HMBOX1: variants seen among roughly 807,000 people sequenced by gnomAD.
The protein encoded by HMBOX1 is homeobox containing 1.
Under a neutral mutation model 54.5 loss-of-function variants are expected in HMBOX1, and 14 were observed. That is an observed-to-expected ratio of 0.26 (90% CI 0.17 to 0.40). The LOEUF is 0.40. Ranked by LOEUF, HMBOX1 falls within the 10% of genes least tolerant of loss-of-function variation. HMBOX1 has a pLI of 1.00. For missense variants in HMBOX1, 332 were observed against 514.4 expected, an observed-to-expected ratio of 0.65 and a Z score of 3.43; for synonymous variants, 160 against 181.0, an observed-to-expected ratio of 0.88 and a Z score of 0.93.
At chr8:28,942,219 G>C (rs535207196) in intron 1 of HMBOX1, among the ~76,000 whole-genome samples, 1 of 152,168 alleles carries the variant, frequency 6.6e-6, no homozygotes, top group Non-Finnish European at 1.5e-5. Context: ...GTAGTTCAGC[G>C]CAGTCTCCTT....
At chr8:29,039,326 G>A (rs892304196) in intron 6 of HMBOX1, among the ~76,000 whole-genome samples, 2 of 152,076 alleles carry the variant, frequency 1.3e-5, no homozygotes, top group African/African-American at 2.4e-5. Flanking sequence ...TCTATTTCCC[G>A]ACTTCGTTGG....
chr8:28,894,417 C>G (rs770934490), intron 1 of HMBOX1, among the ~76,000 whole-genome samples: 31 of 152,238 alleles, frequency 2.0e-4, no homozygotes, highest in Non-Finnish European at 4.1e-4. Context: ...CAAAGAGTAA[C>G]CAGCACATGT....
chr8:28,971,998 A>G (rs1300624369), intron 3 of HMBOX1, among the ~76,000 whole-genome samples: 1 of 152,254 alleles, frequency 6.6e-6, no homozygotes, highest in Non-Finnish European at 1.5e-5. Flanking sequence ...GACACATAAT[A>G]ATATTGCCAC....
At chr8:28,954,749 G>T (rs551905554) in intron 1 of HMBOX1, among the ~76,000 whole-genome samples, 5 of 152,154 alleles carry the variant, frequency 3.3e-5, no homozygotes, top group Admixed American at 6.5e-5. Flanking sequence ...GTACTTACAC[G>T]TGTACAAAGA....
intron 1 of HMBOX1, among the ~76,000 whole-genome samples, chr8:28,959,006 A>G (rs912031577): frequency 1.3e-5 from 2 of 151,978 alleles, no homozygotes; most frequent in South Asian, 4.2e-4. Context: ...ACATTCTAAG[A>G]CTCCCAGTAG....
intron 1 of HMBOX1, among the ~76,000 whole-genome samples, chr8:28,960,781 T>TGGAG (rs1563473087): frequency 2.2e-5 from 1 of 45,346 alleles, no homozygotes; most frequent in Non-Finnish European, 4.6e-5. Flanking sequence ...TTTTTTTTTT[T>TGGAG]TTTTTTTTTT....
rs143488602 is a variant in HMBOX1, at chr8:29,001,057, A to C, written c.587-8015A>C. On this transcript the variant is annotated intron_variant, in intron 4 of 9. Coordinates refer to ENST00000287701, the MANE Select transcript of HMBOX1 (RefSeq NM_001135726.3). ...GGTTTTCAGAGGTTTTTACTTCACTATTCTCACTGATGTCACTCCAATTCA... is the reference window on the plus strand; with the variant it reads ...GGTTTTCAGAGGTTTTTACTTCACTCTTCTCACTGATGTCACTCCAATTCA... 3.3e-4 allele frequency among the ~76,000 whole-genome samples: 50 copies of C among 152,290 alleles called. No individual in the cohort carries two copies. The East Asian group carries it at 7.7e-3, about 24-fold the overall frequency.
intron 1 of HMBOX1, among the ~76,000 whole-genome samples, chr8:28,916,542 C>T (rs1816586038): frequency 1.3e-5 from 2 of 152,132 alleles, no homozygotes; most frequent in Non-Finnish European, 2.9e-5. Flanking sequence ...TCCACGTGTT[C>T]TAGCTCCATT....
intron 1 of HMBOX1, among the ~76,000 whole-genome samples, chr8:28,911,139 A>G (rs1815329911): frequency 6.6e-6 from 1 of 152,230 alleles, no homozygotes; most frequent in South Asian, 2.1e-4. Context: ...TGGAAGCAAC[A>G]AAAACTGATT....
chr8:28,910,255 T>G (rs1563368073), intron 1 of HMBOX1, among the ~76,000 whole-genome samples: 3 of 152,208 alleles, frequency 2.0e-5, no homozygotes, highest in Admixed American at 2.0e-4. Context: ...CAATATTCTG[T>G]TTTTTATTGC....
At chr8:29,035,352 C>T (rs1803686617) in intron 6 of HMBOX1, among the ~76,000 whole-genome samples, 2 of 152,050 alleles carry the variant, frequency 1.3e-5, no homozygotes, top group South Asian at 2.1e-4. Flanking sequence ...GTTTATAATT[C>T]AGCACTTTTA....
At chr8:28,946,394 C>A (rs1230476884) in intron 1 of HMBOX1, among the ~76,000 whole-genome samples, 2 of 151,668 alleles carry the variant, frequency 1.3e-5, no homozygotes. Flanking sequence ...CATGGTGAAA[C>A]CTCGTCTCTA....
intron 3 of HMBOX1, among the ~76,000 whole-genome samples, chr8:28,976,459 C>T (rs1828393186): frequency 6.6e-6 from 1 of 152,084 alleles, no homozygotes; most frequent in African/African-American, 2.4e-5. Context: ...AATCTTGGCT[C>T]ACTGCAGCAT....
At chr8:28,907,393 G>A (rs1814541264) in intron 1 of HMBOX1, among the ~76,000 whole-genome samples, 1 of 152,206 alleles carries the variant, frequency 6.6e-6, no homozygotes, top group African/African-American at 2.4e-5. Context: ...ACCAAAGGTG[G>A]CTGAAACATT....
At chr8:28,993,094 G>A (rs117206279) in intron 4 of HMBOX1, among the ~76,000 whole-genome samples, 26 of 151,270 alleles carry the variant, frequency 1.7e-4, no homozygotes, top group Admixed American at 8.5e-4. Flanking sequence ...GTATATAAGA[G>A]TATTATCACT....
At chr8:29,025,590 A>G (rs921354752) in intron 6 of HMBOX1, among the ~76,000 whole-genome samples, 2 of 152,202 alleles carry the variant, frequency 1.3e-5, no homozygotes, top group African/African-American at 4.8e-5. Context: ...AGCTTCTTCT[A>G]GTTTAATGCT....
intron 1 of HMBOX1, among the ~76,000 whole-genome samples, chr8:28,894,666 A>G (rs1255898293): frequency 1.3e-5 from 2 of 152,150 alleles, no homozygotes; most frequent in Admixed American, 1.3e-4. Context: ...GGATTATTTG[A>G]TGTAAACTTT....
intron 3 of HMBOX1, among the ~76,000 whole-genome samples, chr8:28,971,184 C>A (rs1827356974): frequency 6.7e-6 from 1 of 149,148 alleles, no homozygotes; most frequent in Admixed American, 6.8e-5. Context: ...CTCTGCCTTT[C>A]CAGGTTCAAG....
chr8:28,915,260 T>A (rs1363293931), intron 1 of HMBOX1, among the ~76,000 whole-genome samples: 1 of 152,082 alleles, frequency 6.6e-6, no homozygotes, highest in East Asian at 1.9e-4. Flanking sequence ...TCATTTTTTT[T>A]AAAGAGACAG....
Sources: gnomAD v4.1 joint callset for allele counts (sites outside exome capture counted in the v4.1 genomes callset) on GRCh38, gnomAD v4.1.1 for gene constraint, MANE v1.5 for transcripts, NCBI Gene and HGNC (gene_info 2026-07-23, HGNC 2026-07-21) for gene names.